The following CTNND2 variants were observed in gnomAD, a reference collection of about 807,000 sequenced individuals.
CTNND2 encodes catenin delta-2.
CTNND2 carries 22 observed loss-of-function variants against 144.4 expected under a neutral mutation model. That is an observed-to-expected ratio of 0.15 (90% CI 0.11 to 0.22). CTNND2 has a LOEUF of 0.22. Among genes scored for constraint, CTNND2 ranks in the 10% least tolerant of loss-of-function variants. The pLI is 1.00. For missense variants in CTNND2, 1,353 were observed against 1,618.8 expected (o/e 0.84, Z 2.82); for synonymous variants, 751 against 695.6 (o/e 1.08, Z -1.25).
At chr5:11,703,566 C>A (rs1561710813) in intron 2 of CTNND2, among the ~76,000 whole-genome samples, 1 of 152,198 alleles carries the variant, frequency 6.6e-6, no homozygotes, top group Non-Finnish European at 1.5e-5. Flanking sequence ...TCTTAACTTT[C>A]TTTCTAACAT....
chr5:11,509,742 T>G (rs2150023201), intron 3 of CTNND2, among the ~76,000 whole-genome samples: 2 of 152,356 alleles, frequency 1.3e-5, no homozygotes, highest in Middle Eastern at 6.8e-3. Flanking sequence ...TTTACTTCTC[T>G]TTCGGCAGAA....
At chr5:11,715,988 T>G (rs548883980) in intron 2 of CTNND2, among the ~76,000 whole-genome samples, 1 of 152,278 alleles carries the variant, frequency 6.6e-6, no homozygotes, top group Admixed American at 6.5e-5. Context: ...ACAAGCAGAC[T>G]TCGTTCAATA....
chr5:11,397,286 G>C (rs1760236411), intron 5 of CTNND2, 83 bp from the exon 6 acceptor site: 2 of 1,176,548 alleles, frequency 1.7e-6, no homozygotes, highest in Non-Finnish European at 2.4e-6. Context: ...GAGTAGCCTA[G>C]AATTATCTCA....
intron 15 of CTNND2, chr5:11,084,071 T>A: frequency 1.9e-6 from 1 of 534,496 alleles, no homozygotes; most frequent in Non-Finnish European, 2.4e-6. Context: ...TCACCTCTAC[T>A]TTGTATCTCA....
chr5:11,432,736 A>G (rs1763410289), intron 3 of CTNND2, among the ~76,000 whole-genome samples: 3 of 152,170 alleles, frequency 2.0e-5, no homozygotes, highest in Admixed American at 2.0e-4. Flanking sequence ...CTGCTGGGGC[A>G]CTTCGTTTTG....
At chr5:11,597,159 T>C (rs1320559607) in intron 2 of CTNND2, among the ~76,000 whole-genome samples, 1 of 152,194 alleles carries the variant, frequency 6.6e-6, no homozygotes, top group Non-Finnish European at 1.5e-5. Context: ...ACATTGTTCT[T>C]CTAGAATTTT....
At chr5:11,901,108 T>C (rs979928085) in intron 1 of CTNND2, among the ~76,000 whole-genome samples, 5 of 152,328 alleles carry the variant, frequency 3.3e-5, no homozygotes, top group Admixed American at 2.0e-4. Flanking sequence ...GGTCCATACA[T>C]AGTGTACTGA....
intron 3 of CTNND2, among the ~76,000 whole-genome samples, chr5:11,457,645 G>C (rs909616600): frequency 6.6e-6 from 1 of 152,098 alleles, no homozygotes; most frequent in Non-Finnish European, 1.5e-5. Flanking sequence ...ATTATCAGTA[G>C]TGCCTCAGGG....
chr5:11,435,656 A>G (rs925622092), intron 3 of CTNND2, among the ~76,000 whole-genome samples: 1 of 152,218 alleles, frequency 6.6e-6, no homozygotes, highest in African/African-American at 2.4e-5. Context: ...ATTCTATTTG[A>G]CTGAAGAACA....
At chr5:11,040,905 G>C (rs11750004) in intron 16 of CTNND2, among the ~76,000 whole-genome samples, 2,915 of 152,296 alleles carry the variant, frequency 0.019, 47 homozygotes, top group Non-Finnish European at 0.031. Context: ...AGAAACCTAT[G>C]AAGGGTGTTT....
intron 16 of CTNND2, among the ~76,000 whole-genome samples, chr5:11,053,119 C>T (rs1044409800): frequency 1.3e-5 from 2 of 152,146 alleles, no homozygotes; most frequent in African/African-American, 4.8e-5. Flanking sequence ...AAGCTCACTG[C>T]TAGGCTGAGT....
chr5:11,788,822 T>TC (rs1446152018), intron 1 of CTNND2, among the ~76,000 whole-genome samples: 1 of 129,468 alleles, frequency 7.7e-6, no homozygotes, highest in East Asian at 2.7e-4. Context: ...ATGCTATCCC[T>TC]CCCCCCTCCC....
At chr5:11,372,749 T>C (rs1462441543) in intron 7 of CTNND2, among the ~76,000 whole-genome samples, 1 of 152,212 alleles carries the variant, frequency 6.6e-6, no homozygotes, top group Non-Finnish European at 1.5e-5. Flanking sequence ...AGGTTCTGGC[T>C]CAGTGGGTTT....
chr5:11,610,455 A>G (rs1301535206), intron 2 of CTNND2, among the ~76,000 whole-genome samples: 1 of 152,182 alleles, frequency 6.6e-6, no homozygotes, highest in Non-Finnish European at 1.5e-5. Context: ...CAGTGGTGAG[A>G]AATTGAGGCC....
chr5:11,436,259 T>C (rs1255788075), intron 3 of CTNND2, among the ~76,000 whole-genome samples: 5 of 152,006 alleles, frequency 3.3e-5, no homozygotes, highest in Non-Finnish European at 4.4e-5. Context: ...GCTGTCTGAG[T>C]TGAATTTTAT....
chr5:11,589,312 CG>C (rs765782178), intron 2 of CTNND2, among the ~76,000 whole-genome samples: 5,362 of 149,158 alleles, frequency 0.036, 131 homozygotes, highest in African/African-American at 0.068. Flanking sequence ...CACACACACA[CG>C]ACAACAACAA....
At chr5:11,774,291 T>G (rs1225942795) in intron 1 of CTNND2, among the ~76,000 whole-genome samples, 1 of 151,572 alleles carries the variant, frequency 6.6e-6, no homozygotes, top group Admixed American at 6.6e-5. Context: ...CATGAACTCA[T>G]CATTTTTTAT....
chr5:11,517,627 T>G (rs1017798864), intron 3 of CTNND2, among the ~76,000 whole-genome samples: 1 of 150,172 alleles, frequency 6.7e-6, no homozygotes, highest in Non-Finnish European at 1.5e-5. Flanking sequence ...CTCGGGGGTG[T>G]AGGGGGCAAG....
chr5:11,347,173 A>AC (rs1453716718), intron 8 of CTNND2, among the ~76,000 whole-genome samples: 1 of 152,140 alleles, frequency 6.6e-6, no homozygotes, highest in African/African-American at 2.4e-5. Context: ...CATAATTAGC[A>AC]CCAGAACATT....
Sources: gnomAD v4.1 joint callset for allele counts (sites outside exome capture counted in the v4.1 genomes callset) on GRCh38, gnomAD v4.1.1 for gene constraint, MANE v1.5 for transcripts, NCBI Gene and HGNC (gene_info 2026-07-23, HGNC 2026-07-21) for gene names.